MROH7: variants seen among roughly 807,000 people sequenced by gnomAD.
MROH7 encodes the protein maestro heat-like repeat-containing protein family member 7.
In MROH7, 113 loss-of-function variants were observed where a neutral mutation model predicts 129.2. The ratio of observed to expected loss-of-function variants is 0.87; its 90% CI spans 0.75 to 1.02. The LOEUF (loss-of-function observed/expected upper bound fraction) is 1.02, where lower values mean the gene tolerates loss of function less well. MROH7 is among the 50% of genes least tolerant of loss of function. The pLI is 0.00. For synonymous variants in MROH7, 655 were observed against 667.9 expected (o/e 0.98, Z 0.30); for missense variants, 1,601 against 1,671.3 (o/e 0.96, Z 0.73).
rs1644578238 is a variant in MROH7 at position 54,652,889 on chromosome 1, G to C, written c.-38G>C. On this transcript the variant is annotated 5_prime_UTR_variant, in exon 3 of 24. Coordinates refer to ENST00000421030, the MANE Select transcript of MROH7 (RefSeq NM_001039464.4). ...GAATGTGACAGTTGGCTGTTGGAGA[G>C]AAGCGGGCACTGGCATTGAGAGACC... The C allele has an allele frequency of 6.5e-7, 1 of 1,527,666 alleles. No homozygotes were observed. The highest frequency in any genetic ancestry group is 8.8e-7 in the Non-Finnish European group (1 of 1,140,390). 94.6% of individuals were successfully genotyped at this position (1,527,666 alleles called of 1,614,324 possible).
At chr1:54,696,182 A>T (rs985159004) in intron 17 of MROH7, among the ~76,000 whole-genome samples, 7 of 152,212 alleles carry the variant, frequency 4.6e-5, no homozygotes, top group African/African-American at 1.7e-4. Flanking sequence ...TTTTAGAGAA[A>T]AAAAACCCTG....
rs543717670 is a variant in MROH7, at chr1:54,683,131, G to A, written c.2520+337G>A. Among the ~76,000 whole-genome samples, 46 of 152,186 alleles carry A rather than the reference G, an allele frequency of 3.0e-4. No homozygotes were observed. In the East Asian group the frequency reaches 7.0e-3, roughly 23 times the overall value. Reference sequence around the variant, plus strand: ...GGCAGAGGATCACTTGAGGCTAGGAGTTTGAGGCCAGCCTGGGCACTATAG... The same window carrying A: ...GGCAGAGGATCACTTGAGGCTAGGAATTTGAGGCCAGCCTGGGCACTATAG... On this transcript the variant is annotated intron_variant, in intron 14 of 23. Transcript: ENST00000421030.
At position 54,652,953 on chromosome 1, in the gene MROH7, G is replaced by C; in HGVS notation, c.27G>C (p.Leu9=). 1 of 1,607,208 alleles carries C rather than the reference G, an allele frequency of 6.2e-7. No homozygotes were observed. The change falls in exon 3 of 24, where the codon CTG becomes CTC. Residue 9 remains leucine (L), a synonymous_variant. Transcript: ENST00000421030. ...TGGCCCTGAGTCCAGGGGCTAACCTGGTCTTCCATGAAGACCCAAAGATGA... is the reference window on the plus strand; with the variant it reads ...TGGCCCTGAGTCCAGGGGCTAACCTCGTCTTCCATGAAGACCCAAAGATGA... MALSPGAN[L]VFHEDPKMTP...
At chr1:54,655,722 A>AT (rs1037744298) in intron 3 of MROH7, among the ~76,000 whole-genome samples, 1 of 151,674 alleles carries the variant, frequency 6.6e-6, no homozygotes, top group East Asian at 1.9e-4. Context: ...TTTCTTAGGG[A>AT]TTTTTTTAGG....
Position 54,670,910 on chromosome 1 carries a change from C to T in MROH7, c.1580C>T (p.Ala527Val), listed in dbSNP as rs772581552. 2.8e-5 allele frequency: 45 copies of T among 1,606,964 alleles called. No individual in the cohort carries two copies. Among genetic ancestry groups the T allele is most frequent in the Non-Finnish European group, 3.8e-5 (45 of 1,177,098 alleles). Residue 527 changes from alanine (A) to valine (V), a missense_variant, in exon 7 of 24, where the codon GCC (alanine) becomes GTC (valine). Ala to Val is a moderately conservative substitution (Grantham distance 64). Coordinates refer to ENST00000421030, the MANE Select transcript of MROH7 (RefSeq NM_001039464.4). ...SVQAMQEKDE[A>V]KAETIQALYH... Reference sequence around the variant, plus strand: ...CAGGCGATGCAGGAGAAGGACGAGGCCAAGGCTGAGACCATCCAGGTGAGG... The same window carrying T: ...CAGGCGATGCAGGAGAAGGACGAGGTCAAGGCTGAGACCATCCAGGTGAGG...
chr1:54,682,768 G>T lies in MROH7; in HGVS notation c.2494G>T (p.Gly832Cys). ...GAAGGAGAAGCCCGTCACCAAGGAGGGCCGGGCTTCCATCGTGCCCCTGGC... is the reference window on the plus strand; with the variant it reads ...GAAGGAGAAGCCCGTCACCAAGGAGTGCCGGGCTTCCATCGTGCCCCTGGC... ...SLKEKPVTKE[G>C]RASIVPLAAA... Residue 832 changes from glycine (G) to cysteine (C), a missense_variant, in exon 14 of 24, where the codon GGC (glycine) becomes TGC (cysteine). Coordinates refer to ENST00000421030, the MANE Select transcript of MROH7 (RefSeq NM_001039464.4). The T allele has an allele frequency of 6.2e-7, 1 of 1,613,456 alleles. No homozygotes were observed. Among genetic ancestry groups the T allele is most frequent in the Non-Finnish European group, 8.5e-7 (1 of 1,179,972 alleles).
At chr1:54,700,540 C>T (rs1645419054) in intron 18 of MROH7, 79 bp downstream of exon 18, 3 of 1,394,256 alleles carry the variant, frequency 2.2e-6, no homozygotes, top group Admixed American at 2.4e-5. Context: ...ATTATAGTAC[C>T]TCAGAAGCCC....
Position 54,645,267 on chromosome 1 carries a change from C to T in MROH7, c.-110+3299C>T, listed in dbSNP as rs537054336. On this transcript the variant is annotated intron_variant, in intron 1 of 23. Transcript: ENST00000421030. Reference sequence around the variant, plus strand: ...TGCATCTTTGACATTTTAGGTATTACATTAAGATTTTTTTTTTCTTTTTTC... The same window carrying T: ...TGCATCTTTGACATTTTAGGTATTATATTAAGATTTTTTTTTTCTTTTTTC... Among the ~76,000 whole-genome samples the T allele has an allele frequency of 5.3e-5, 8 of 151,978 alleles. No individual in the cohort carries two copies. The East Asian group carries it at 1.5e-3, about 29-fold the overall frequency.
rs1645147107 is a variant in MROH7 at position 54,686,356 on chromosome 1, C to G, written c.2619C>G (p.Val873=). The G allele has an allele frequency of 6.2e-7, 1 of 1,614,182 alleles. No individual in the cohort carries two copies. The highest frequency in any genetic ancestry group is 2.2e-5 in the East Asian group (1 of 44,878). Residue 873 remains valine, a synonymous_variant, in exon 15 of 24, where the codon GTC becomes GTG. Coordinates refer to ENST00000421030, the MANE Select transcript of MROH7 (RefSeq NM_001039464.4). ...PQLLLALLIQ[V]HYHIGLNLPG... ...TGCTCCTGGCCCTGCTCATTCAGGTCCATTACCACATCGGCCTCAACCTGC... is the reference window on the plus strand; with the variant it reads ...TGCTCCTGGCCCTGCTCATTCAGGTGCATTACCACATCGGCCTCAACCTGC...
rs750052987 is a variant in MROH7 at position 54,670,835 on chromosome 1, C to T, written c.1505C>T (p.Ser502Leu). ...TQPTLGMRER[S>L]ELVNVCVHSV... The stretch of plus-strand genomic sequence containing the variant: ...CCCACCCTGGGCATGCGGGAGAGGT[C>T]GGAGCTGGTGAACGTGTGTGTGCAC... The change falls in exon 7 of 24, where the codon TCG becomes TTG. Residue 502 changes from serine to leucine, a missense_variant. Physicochemically the swap from Ser to Leu is moderately radical, Grantham distance 145. Transcript: ENST00000421030. The T allele has an allele frequency of 2.5e-5, 41 of 1,614,026 alleles. No homozygotes were observed. In the Admixed American group the frequency reaches 2.8e-4, roughly 11 times the overall value.
chr1:54,663,805 G>C (rs750375448), intron 3 of MROH7: 1 of 453,428 alleles, frequency 2.2e-6, no homozygotes, highest in South Asian at 1.6e-5. Context: ...TCCTGGAATC[G>C]ACCTTTTCTC....
At chr1:54,665,327 A>AT (rs1418833722) in intron 4 of MROH7, 87 bp downstream of exon 4, 57 of 952,144 alleles carry the variant, frequency 6.0e-5, no homozygotes, top group Non-Finnish European at 8.3e-6. Context: ...CAGCCTCCGC[A>AT]TTCCCCATGC....
intron 1 of MROH7, among the ~76,000 whole-genome samples, chr1:54,648,215 A>G (rs1405184949): frequency 6.6e-6 from 1 of 151,838 alleles, no homozygotes; most frequent in Non-Finnish European, 1.5e-5. Flanking sequence ...TTAATGGAGG[A>G]GTTACCACCC....
chr1:54,697,580 T>A (rs1012718209), intron 17 of MROH7: 59 of 641,634 alleles, frequency 9.2e-5, no homozygotes, highest in Non-Finnish European at 1.5e-4. Context: ...GAAACTACCA[T>A]TACTTACAGG....
intron 17 of MROH7, among the ~76,000 whole-genome samples, chr1:54,696,554 T>C (rs1645324734): frequency 6.6e-6 from 1 of 152,076 alleles, no homozygotes; most frequent in Non-Finnish European, 1.5e-5. Context: ...AGGTATCTTA[T>C]GTAAGTGGAA....
Position 54,692,523 on chromosome 1 carries a change from G to T in MROH7, c.2811G>T (p.Gln937His), listed in dbSNP as rs1645255900. The stretch of plus-strand genomic sequence containing the variant: ...AGGGTGGCTGGGAGCTCATGGAGCA[G>T]GTGGAGAGCCACCACCGCGGAGTGG... ...EDQGGWELME[Q>H]VESHHRGVAL... The change falls in exon 16 of 24, where the codon CAG becomes CAT. Residue 937 changes from glutamine to histidine, a missense_variant. Transcript: ENST00000421030. 6.2e-7 allele frequency: 1 copy of T among 1,613,892 alleles called. No individual in the cohort carries two copies. Among genetic ancestry groups the T allele is most frequent in the Admixed American group, 1.7e-5 (1 of 59,996 alleles).
chr1:54,677,946 T>C (rs1197261035), intron 10 of MROH7, among the ~76,000 whole-genome samples: 1 of 151,944 alleles, frequency 6.6e-6, no homozygotes, highest in Non-Finnish European at 1.5e-5. Context: ...TGACAAAAAC[T>C]AAAGAAAAGT....
At position 54,691,783 on chromosome 1, in the gene MROH7, C is replaced by T. The variant is rs1147992; in HGVS notation, c.2712-641C>T. On this transcript the variant is annotated intron_variant, in intron 15 of 23. Coordinates refer to ENST00000421030, the MANE Select transcript of MROH7 (RefSeq NM_001039464.4). ...ATCGCACCATTGCACTCCAGCCTGG[C>T]GACAAAAAAAAAAAAAAAAAGTGTG... Among the ~76,000 whole-genome samples, 462 of 122,452 alleles carry T rather than the reference C, an allele frequency of 3.8e-3. 3 individuals carry two copies. Among genetic ancestry groups the T allele is most frequent in the Middle Eastern group, 0.017 (4 of 232 alleles). 80.3% of individuals were successfully genotyped at this position (122,452 alleles called of 152,430 possible). A position where few individuals can be genotyped will look rare whatever the true frequency, so the allele number is the denominator to read the frequency against.
intron 15 of MROH7, among the ~76,000 whole-genome samples, chr1:54,688,328 TC>T (rs997700512): frequency 6.6e-6 from 1 of 151,114 alleles, no homozygotes; most frequent in Non-Finnish European, 1.5e-5. Flanking sequence ...AACCTTGGCC[TC>T]CCAAAGTGCT....
Sources: gnomAD v4.1 joint callset for allele counts (sites outside exome capture counted in the v4.1 genomes callset) on GRCh38, gnomAD v4.1.1 for gene constraint, MANE v1.5 for transcripts, NCBI Gene and HGNC (gene_info 2026-07-23, HGNC 2026-07-21) for gene names.